MBNL3: variants seen among roughly 807,000 people sequenced by gnomAD.
MBNL3 encodes the protein muscleblind like splicing regulator 3.
In MBNL3, 6 loss-of-function variants were observed where a neutral mutation model predicts 24.5. The observed-to-expected ratio is 0.25, with a 90% CI of 0.13 to 0.48. The LOEUF is 0.48. Among genes scored for constraint, MBNL3 ranks in the 20% least tolerant of loss-of-function variants. The pLI is 0.99. For missense variants in MBNL3, 230 were observed against 293.5 expected (o/e 0.78, Z 1.58); for synonymous variants, 100 against 101.7 (o/e 0.98, Z 0.10).
At position 132,378,804 on chromosome X, in the gene MBNL3, T is replaced by TAA. The variant is rs1480163819; in HGVS notation, c.*860_*861dup. On this transcript the variant is annotated 3_prime_UTR_variant, in exon 9 of 9. Transcript: ENST00000370853. ...AAATGCTGAGAAATTCATTTAAAGG[T>TAA]AAAGTCTTATTTGCCAAGCTATTTA... The TAA allele has an allele frequency of 1.8e-5, 2 of 112,052 alleles. No homozygotes were observed. Among genetic ancestry groups the TAA allele is most frequent in the Admixed American group, 1.9e-4 (2 of 10,531 alleles). 9.2% of individuals were successfully genotyped at this position (112,052 alleles called of 1,213,427 possible).
chrX:132,454,874 C>T (rs1946292969), intron 1 of MBNL3, among the ~76,000 whole-genome samples: 1 of 112,284 alleles, frequency 8.9e-6, no homozygotes, highest in Admixed American at 9.4e-5. Context: ...ATTTCCCAAT[C>T]TTTACACAGG....
rs184002583 is a variant in MBNL3, at chrX:132,377,838, T to C, written c.*1828A>G. On this transcript the variant is annotated 3_prime_UTR_variant, in exon 9 of 9. Coordinates refer to ENST00000370853, the MANE Select transcript of MBNL3 (RefSeq NM_001386889.1). The stretch of plus-strand genomic sequence containing the variant: ...ATATATATATATATGTATATGATGG[T>C]TTTATACTTTCTGGTGGAAGAGCGC... 571 of 110,087 alleles carry C rather than the reference T, an allele frequency of 5.2e-3. 2 individuals carry two copies. Among genetic ancestry groups the C allele is most frequent in the African/African-American group, 0.018 (547 of 30,384 alleles). The allele number at this position is 110,087 out of a possible 1,213,427, so 9.1% of individuals were successfully genotyped here.
intron 2 of MBNL3, chrX:132,413,550 G>A (rs1943014602): frequency 8.7e-7 from 1 of 1,152,871 alleles, no homozygotes; most frequent in Admixed American, 2.7e-5. Flanking sequence ...TTTGCCCAGA[G>A]TAAAGTAGAA....
chrX:132,469,517 G>A (rs921100372), intron 1 of MBNL3, among the ~76,000 whole-genome samples: 2 of 112,032 alleles, frequency 1.8e-5, no homozygotes, highest in African/African-American at 3.2e-5. Context: ...TGGGTCTTCA[G>A]GTAAGAAATC....
rs12836348 is a variant in MBNL3, at chrX:132,396,604, C to A, written c.343-4270G>T. 4.8e-3 allele frequency among the ~76,000 whole-genome samples: 84 copies of A among 17,405 alleles called. 1 individual carries two copies. The highest frequency in any genetic ancestry group is 0.015 in the South Asian group (4 of 269). The allele number at this position is 17,405 out of a possible 115,157, so 15.1% of individuals were successfully genotyped here. A position where few individuals can be genotyped will look rare whatever the true frequency, so the allele number is the denominator to read the frequency against. On this transcript the variant is annotated intron_variant, in intron 3 of 8. Transcript: ENST00000370853. ...CCTATATATATTCCTATATATATTC[C>A]TATATATATTCATATATATATTCAT...
At chrX:132,424,822 G>A (rs1302848435) in intron 2 of MBNL3, among the ~76,000 whole-genome samples, 4 of 106,154 alleles carry the variant, frequency 3.8e-5, no homozygotes, top group African/African-American at 1.4e-4. Context: ...TCTCTGACTT[G>A]GAAGCAATGT....
At chrX:132,483,244 C>T (rs1439483230) in intron 1 of MBNL3, among the ~76,000 whole-genome samples, 1 of 112,086 alleles carries the variant, frequency 8.9e-6, no homozygotes, top group African/African-American at 3.2e-5. Flanking sequence ...CAAGTGCCTA[C>T]TTTTCAGAGG....
intron 3 of MBNL3, among the ~76,000 whole-genome samples, chrX:132,399,962 C>G (rs1422609358): frequency 9.0e-6 from 1 of 110,782 alleles, no homozygotes; most frequent in African/African-American, 3.3e-5. Flanking sequence ...GCACCAGGCT[C>G]CAACTAACTG....
At chrX:132,419,180 T>C (rs1304656512) in intron 2 of MBNL3, among the ~76,000 whole-genome samples, 2 of 112,546 alleles carry the variant, frequency 1.8e-5, no homozygotes, top group African/African-American at 6.5e-5. Flanking sequence ...GTTTGCACAG[T>C]AGCATTTCGC....
At position 132,378,396 on chromosome X, in the gene MBNL3, A is replaced by C. The variant is rs766034182; in HGVS notation, c.*1270T>G. 4.1e-4 allele frequency: 46 copies of C among 111,788 alleles called. No homozygotes were observed. The highest frequency in any genetic ancestry group is 1.4e-3 in the African/African-American group (43 of 30,834). The allele number at this position is 111,788 out of a possible 1,213,427, so 9.2% of individuals were successfully genotyped here. On this transcript the variant is annotated 3_prime_UTR_variant, in exon 9 of 9. Transcript: ENST00000370853. ...AGGCTCCCTCTGTGATCAACAGAGA[A>C]GACTGTCCATTTGGGGAGGGAAGTC...
rs779557959 is a variant in MBNL3 at position 132,382,248 on chromosome X, G to A, written c.983C>T (p.Pro328Leu). Residue 328 changes from proline (P) to leucine (L), a missense_variant, in exon 8 of 9, where the codon CCT becomes CTT. Pro to Leu is a moderately conservative substitution (Grantham distance 98). Transcript: ENST00000370853. ...TGTTGTTGCTGCAGACACAGTGGTA[G>A]GTGTAGCACCGTGCATCATGGGCAC... ...NIVPMMHGAT[P>L]TTVSAATTPA... is the part of the protein sequence containing the mutation. 19 of 1,206,573 alleles carry A rather than the reference G, an allele frequency of 1.6e-5. No individual in the cohort carries two copies. The South Asian group carries it at 3.2e-4, about 20-fold the overall frequency.
chrX:132,392,070 G>T lies in MBNL3; in HGVS notation c.534+73C>A, dbSNP rs759702882. 3.2e-6 allele frequency: 3 copies of T among 931,126 alleles called. No individual in the cohort carries two copies. In the East Asian group the frequency reaches 9.9e-5, roughly 31 times the overall value. 76.7% of individuals were successfully genotyped at this position (931,126 alleles called of 1,213,427 possible). A position where few individuals can be genotyped will look rare whatever the true frequency, so the allele number is the denominator to read the frequency against. On this transcript the variant is annotated intron_variant, in intron 4 of 8. Coordinates refer to ENST00000370853, the MANE Select transcript of MBNL3 (RefSeq NM_001386889.1). ...TCTCTTATTTAAAACAACACACTGG[G>T]CTCTGAGAATACTGCTTTATGTGTA...
intron 2 of MBNL3, among the ~76,000 whole-genome samples, chrX:132,415,637 C>G (rs539566977): frequency 1.8e-5 from 2 of 111,181 alleles, no homozygotes; most frequent in East Asian, 5.6e-4. Context: ...AACATTGTAC[C>G]AAAATGATTG....
At chrX:132,487,214 T>A (rs1569464960) in intron 1 of MBNL3, among the ~76,000 whole-genome samples, 1 of 110,600 alleles carries the variant, frequency 9.0e-6, no homozygotes, top group Non-Finnish European at 1.9e-5. Flanking sequence ...AGGTAGCACA[T>A]CCGGAAGCAA....
chrX:132,391,937 C>T (rs1384508812), intron 4 of MBNL3, among the ~76,000 whole-genome samples: 2 of 111,933 alleles, frequency 1.8e-5, no homozygotes, highest in Admixed American at 9.5e-5. Context: ...GCTGGGTACA[C>T]TTAACATATT....
Position 132,383,001 on chromosome X carries a change from G to C in MBNL3, c.959-729C>G, listed in dbSNP as rs751362914. Among the ~76,000 whole-genome samples the C allele has an allele frequency of 6.7e-4, 75 of 112,338 alleles. 1 individual carries two copies. Among genetic ancestry groups the C allele is most frequent in the Non-Finnish European group, 1.3e-3 (69 of 53,251 alleles). ...ACTATTATAGCTACAATGGTTAGCA[G>C]CTGTGAAATCTCTTGCAGGATGTTT... On this transcript the variant is annotated intron_variant, in intron 7 of 8. Transcript: ENST00000370853.
At chrX:132,484,929 A>ACG (rs56789519) in intron 1 of MBNL3, among the ~76,000 whole-genome samples, 1,555 of 103,267 alleles carry the variant, frequency 0.015, 37 homozygotes, top group African/African-American at 0.059. Flanking sequence ...GAGAATACAC[A>ACG]CGCGCACACA....
chrX:132,411,991 GAAC>G (rs1942796521), intron 2 of MBNL3, among the ~76,000 whole-genome samples: 1 of 111,743 alleles, frequency 8.9e-6, no homozygotes, highest in Non-Finnish European at 1.9e-5. Context: ...TCCAAGAAGA[GAAC>G]AATAGTCAAC....
At chrX:132,466,348 T>C (rs963500298) in intron 1 of MBNL3, among the ~76,000 whole-genome samples, 3 of 112,163 alleles carry the variant, frequency 2.7e-5, no homozygotes, top group Non-Finnish European at 5.6e-5. Flanking sequence ...TTTTACAGTT[T>C]GTCTATCTTC....
Sources: gnomAD v4.1 joint callset for allele counts (sites outside exome capture counted in the v4.1 genomes callset) on GRCh38, gnomAD v4.1.1 for gene constraint, MANE v1.5 for transcripts, NCBI Gene and HGNC (gene_info 2026-07-23, HGNC 2026-07-21) for gene names.